SLC35F4: variants seen among roughly 807,000 people sequenced by gnomAD.
SLC35F4 encodes chromosome 14 open reading frame 36.
In SLC35F4, 24 loss-of-function variants were observed where a neutral mutation model predicts 44.2. That is an observed-to-expected ratio of 0.54 (90% CI 0.39 to 0.76). The LOEUF (loss-of-function observed/expected upper bound fraction) is 0.76. Ranked by LOEUF, SLC35F4 falls within the 30% of genes least tolerant of loss-of-function variation. The pLI is 0.00. For synonymous variants in SLC35F4, 238 were observed against 223.6 expected, an observed-to-expected ratio of 1.06 and a Z score of -0.57; for missense variants, 562 against 586.1, an observed-to-expected ratio of 0.96 and a Z score of 0.42.
intron 1 of SLC35F4, among the ~76,000 whole-genome samples, chr14:57,797,871 G>C (rs2078092081): frequency 6.6e-6 from 1 of 151,962 alleles, no homozygotes; most frequent in Non-Finnish European, 1.5e-5. Context: ...CTTGGACTTG[G>C]CCACGTGACT....
intron 1 of SLC35F4, among the ~76,000 whole-genome samples, chr14:57,734,311 G>A (rs541910007): frequency 6.6e-6 from 1 of 152,232 alleles, no homozygotes; most frequent in East Asian, 1.9e-4. Context: ...ATCCAATTAA[G>A]TAACATAAAA....
intron 1 of SLC35F4, among the ~76,000 whole-genome samples, chr14:57,711,142 C>T (rs1453518709): frequency 6.6e-6 from 1 of 151,940 alleles, no homozygotes; most frequent in Admixed American, 6.6e-5. Flanking sequence ...GGTGGTTTCC[C>T]CTGCTGTTCT....
At chr14:57,652,713 A>T (rs1049649706) in intron 1 of SLC35F4, among the ~76,000 whole-genome samples, 3 of 151,862 alleles carry the variant, frequency 2.0e-5, no homozygotes, top group Non-Finnish European at 4.4e-5. Flanking sequence ...ATCTAACAGG[A>T]TAGTAACCCC....
chr14:57,814,234 A>G (rs1442129436), intron 1 of SLC35F4, among the ~76,000 whole-genome samples: 1 of 152,256 alleles, frequency 6.6e-6, no homozygotes, highest in Non-Finnish European at 1.5e-5. Flanking sequence ...TGTGCAATCA[A>G]GTTCATTAAA....
At chr14:57,816,783 C>G (rs971164286) in intron 1 of SLC35F4, among the ~76,000 whole-genome samples, 1 of 152,192 alleles carries the variant, frequency 6.6e-6, no homozygotes, top group African/African-American at 2.4e-5. Flanking sequence ...CCACTGTTAC[C>G]TCCTTTGAGT....
At chr14:57,849,479 A>T (rs1280399454) in intron 1 of SLC35F4, among the ~76,000 whole-genome samples, 7 of 151,078 alleles carry the variant, frequency 4.6e-5, no homozygotes, top group South Asian at 2.1e-4. Context: ...ATTTTTTTTT[A>T]AATTTTAAAA....
At chr14:57,641,820 G>T (rs1217116293) in intron 1 of SLC35F4, among the ~76,000 whole-genome samples, 1 of 151,984 alleles carries the variant, frequency 6.6e-6, no homozygotes, top group Non-Finnish European at 1.5e-5. Flanking sequence ...ATGAAGATAA[G>T]CAACACTCAC....
intron 1 of SLC35F4, among the ~76,000 whole-genome samples, chr14:57,874,462 C>G (rs10129765): frequency 6.6e-6 from 1 of 152,134 alleles, no homozygotes; most frequent in East Asian, 1.9e-4. Context: ...TCTCAAAGTA[C>G]GAGCAAGGCA....
At chr14:57,566,585 T>C in intron 6 of SLC35F4, 21 bp from the exon 7 acceptor site, 1 of 1,574,418 alleles carries the variant, frequency 6.4e-7, no homozygotes, top group African/African-American at 1.3e-5. Flanking sequence ...GAGGAGGAAA[T>C]GCAAGATGAA....
At chr14:57,661,016 A>G (rs1298679052) in intron 1 of SLC35F4, among the ~76,000 whole-genome samples, 3 of 152,208 alleles carry the variant, frequency 2.0e-5, no homozygotes, top group Non-Finnish European at 2.9e-5. Context: ...GGATTGTTCC[A>G]TTTCTTCGGC....
chr14:57,822,206 T>C (rs557415825), intron 1 of SLC35F4, among the ~76,000 whole-genome samples: 2 of 152,360 alleles, frequency 1.3e-5, no homozygotes, highest in South Asian at 2.1e-4. Context: ...TTGTCTGATT[T>C]GTGTAGTTAC....
At chr14:57,700,033 T>C (rs2075492540) in intron 1 of SLC35F4, among the ~76,000 whole-genome samples, 2 of 152,128 alleles carry the variant, frequency 1.3e-5, no homozygotes, top group South Asian at 4.1e-4. Context: ...ACCCTATAGG[T>C]ACTATATTTT....
intron 1 of SLC35F4, among the ~76,000 whole-genome samples, chr14:57,898,605 G>C (rs989230809): frequency 6.6e-6 from 1 of 152,158 alleles, no homozygotes; most frequent in Non-Finnish European, 1.5e-5. Context: ...CTTCAAGTGA[G>C]GCAACAAGCA....
downstream of SLC35F4, among the ~76,000 whole-genome samples, chr14:57,974,483 T>C (rs980419592): frequency 7.2e-5 from 11 of 152,224 alleles, 1 homozygote; most frequent in Admixed American, 7.2e-4. Context: ...TGTGGCCCTC[T>C]TTAATCTACC....
At chr14:57,729,028 C>T (rs936507049) in intron 1 of SLC35F4, among the ~76,000 whole-genome samples, 3 of 152,188 alleles carry the variant, frequency 2.0e-5, no homozygotes, top group South Asian at 2.1e-4. Context: ...TGCTGCCAGA[C>T]ATTTTGGAAC....
chr14:57,913,200 C>CT (rs756923596), intron 1 of SLC35F4, among the ~76,000 whole-genome samples: 54 of 151,754 alleles, frequency 3.6e-4, no homozygotes, highest in Middle Eastern at 3.4e-3. Context: ...AAAGATGGGT[C>CT]TTTTTTTTAA....
intron 1 of SLC35F4, among the ~76,000 whole-genome samples, chr14:57,944,736 AAAGAAAGAAAG>A (rs1889986854): frequency 7.1e-6 from 1 of 140,062 alleles, no homozygotes; most frequent in Non-Finnish European, 1.6e-5. Context: ...AGAAAGAAAG[AAAGAAAGAAAG>A]AAAGAAGAAA....
At chr14:57,976,185 A>G (rs1360098136), downstream of SLC35F4, among the ~76,000 whole-genome samples, 1 of 152,208 alleles carries the variant, frequency 6.6e-6, no homozygotes, top group East Asian at 1.9e-4. Context: ...ACCATAAATA[A>G]AATAAATATT....
At chr14:57,666,534 T>A (rs1054884172) in intron 1 of SLC35F4, among the ~76,000 whole-genome samples, 3 of 152,120 alleles carry the variant, frequency 2.0e-5, no homozygotes, top group African/African-American at 7.2e-5. Context: ...CATTGCAGTC[T>A]TGGGAAACTC....
Sources: allele counts gnomAD v4.1 joint callset (sites outside exome capture counted in the v4.1 genomes callset), GRCh38; gene constraint gnomAD v4.1.1; transcripts MANE v1.5; gene names NCBI Gene and HGNC (gene_info 2026-07-23, HGNC 2026-07-21).